NR5A2: variants seen among roughly 807,000 people sequenced by gnomAD.
The protein encoded by NR5A2 is nuclear receptor subfamily 5 group A member 2, also known as CYP7A promoter-binding factor.
NR5A2 carries 26 observed loss-of-function variants against 62.7 expected under a neutral mutation model. The ratio of observed to expected loss-of-function variants is 0.41; its 90% CI spans 0.30 to 0.58. The LOEUF (loss-of-function observed/expected upper bound fraction) is 0.58. NR5A2 is among the 20% of genes least tolerant of loss of function. The probability of loss-of-function intolerance (pLI) is 0.22; values close to 1 mark genes in which losing one functional copy is unlikely to be tolerated. For synonymous variants in NR5A2, 246 were observed against 241.7 expected (o/e 1.02, Z -0.16); for missense variants, 541 against 669.1 (o/e 0.81, Z 2.11).
At chr1:200,050,506 C>CT (rs1232370184) in intron 5 of NR5A2, among the ~76,000 whole-genome samples, 4 of 152,094 alleles carry the variant, frequency 2.6e-5, no homozygotes, top group Non-Finnish European at 4.4e-5. Context: ...AGGAGGTTTT[C>CT]AAAGGAAAAT....
intron 7 of NR5A2, among the ~76,000 whole-genome samples, chr1:200,125,158 G>A (rs970406413): frequency 1.4e-4 from 22 of 152,160 alleles, no homozygotes; most frequent in African/African-American, 5.1e-4. Flanking sequence ...GAAAGCTAAC[G>A]TGAAGAAAAA....
intron 5 of NR5A2, among the ~76,000 whole-genome samples, chr1:200,109,186 C>T (rs899932926): frequency 6.6e-6 from 1 of 152,202 alleles, no homozygotes; most frequent in African/African-American, 2.4e-5. Flanking sequence ...ATGAATGTAA[C>T]TGTTTTGGTC....
intron 1 of NR5A2, among the ~76,000 whole-genome samples, chr1:200,034,703 T>C (rs565186615): frequency 6.8e-4 from 103 of 150,734 alleles, no homozygotes; most frequent in Middle Eastern, 3.5e-3. Flanking sequence ...ACTCTCATAG[T>C]GATTGTGAAT....
intron 7 of NR5A2, among the ~76,000 whole-genome samples, chr1:200,133,557 A>G (rs1667072618): frequency 7.6e-6 from 1 of 131,694 alleles, no homozygotes; most frequent in African/African-American, 3.2e-5. Flanking sequence ...ACACATATAT[A>G]CACACATATA....
chr1:200,062,227 T>TTGTGTGTGTGTGTGTGTGTGTGTGTG (rs6143563), intron 5 of NR5A2, among the ~76,000 whole-genome samples: 2,640 of 145,636 alleles, frequency 0.018, 33 homozygotes, highest in Non-Finnish European at 0.025. Context: ...CTGGCAGATT[T>TTGTGTGTGTGTGTGTGTGTGTGTGTG]TGTGTGTGTG....
At chr1:200,171,462 A>G (rs1172069408) in intron 7 of NR5A2, among the ~76,000 whole-genome samples, 1 of 152,156 alleles carries the variant, frequency 6.6e-6, no homozygotes, top group Non-Finnish European at 1.5e-5. Context: ...GAAATTAACC[A>G]TCGAGGCTGG....
Position 200,048,693 on chromosome 1 carries a change from G to A in NR5A2, c.985G>A (p.Glu329Lys), listed in dbSNP as rs1213376252. ...TAAAATCATGGCCTATTTGCAGCAA[G>A]AGCAGGCTAACCGAAGCAAGCACGA... The part of the protein sequence containing the change: ...QAKIMAYLQQ[E>K]QANRSKHEKL... Residue 329 changes from glutamate (E) to lysine (K), a missense_variant, in exon 5 of 8, where the codon GAG becomes AAG. Physicochemically the swap from Glu to Lys is moderately conservative, Grantham distance 56. Around this residue, in one of 3 missense-constraint regions of NR5A2, gnomAD observed 379 missense variants for 442.0 expected, o/e 0.86. Coordinates refer to ENST00000367362, the MANE Select transcript of NR5A2 (RefSeq NM_205860.3). The surrounding 1 kb of genome is among the most constrained non-coding windows in gnomAD (Gnocchi z 4.8). 1 of 1,614,216 alleles carries A rather than the reference G, an allele frequency of 6.2e-7. No individual in the cohort carries two copies. The highest frequency in any genetic ancestry group is 8.5e-7 in the Non-Finnish European group (1 of 1,180,028).
intron 7 of NR5A2, among the ~76,000 whole-genome samples, chr1:200,138,938 A>G (rs370041110): frequency 2.0e-5 from 3 of 152,184 alleles, no homozygotes; most frequent in African/African-American, 4.8e-5. Flanking sequence ...GTTGTTCCAC[A>G]AAGAACCCAG....
chr1:200,109,577 C>T (rs1386713066), intron 5 of NR5A2, among the ~76,000 whole-genome samples: 1 of 152,070 alleles, frequency 6.6e-6, no homozygotes. Context: ...CTCACTGTGT[C>T]CTGAAATTGT....
At chr1:200,161,749 G>A (rs183318952) in intron 7 of NR5A2, among the ~76,000 whole-genome samples, 2 of 152,328 alleles carry the variant, frequency 1.3e-5, no homozygotes, top group East Asian at 3.9e-4. Flanking sequence ...TTGCTTAAGA[G>A]TCTAATAGCT....
Position 200,147,479 on chromosome 1 carries a change from G to C in NR5A2, c.1379-26484G>C. 1.6e-6 allele frequency: 1 copy of C among 614,178 alleles called. No individual in the cohort carries two copies. Among genetic ancestry groups the C allele is most frequent in the Non-Finnish European group, 3.1e-6 (1 of 319,622 alleles). 38.0% of individuals were successfully genotyped at this position (614,178 alleles called of 1,614,324 possible). A position where few individuals can be genotyped will look rare whatever the true frequency, so the allele number is the denominator to read the frequency against. ...ACACGGAGAGCTCTTTGAGGCAAGG[G>C]ACAATTTGATCTGTTTCTTCATCCT... is the stretch of plus-strand genomic sequence containing the variant. On this transcript the variant is annotated intron_variant, in intron 7 of 7. Coordinates refer to ENST00000367362, the MANE Select transcript of NR5A2 (RefSeq NM_205860.3). The surrounding 1 kb of genome is among the most constrained non-coding windows in gnomAD (Gnocchi z 4.9).
chr1:200,154,376 A>C (rs1653279998), intron 7 of NR5A2, among the ~76,000 whole-genome samples: 1 of 152,204 alleles, frequency 6.6e-6, no homozygotes, highest in African/African-American at 2.4e-5. Flanking sequence ...CAAAACATGC[A>C]AAGTCTTGCA....
At chr1:200,144,202 T>C (rs1174116280) in intron 7 of NR5A2, among the ~76,000 whole-genome samples, 1 of 141,558 alleles carries the variant, frequency 7.1e-6, no homozygotes, top group East Asian at 2.0e-4. Context: ...GCCACCATCA[T>C]CCCAGCACTG....
chr1:200,162,798 C>T (rs529091872), intron 7 of NR5A2, among the ~76,000 whole-genome samples: 9 of 152,162 alleles, frequency 5.9e-5, no homozygotes, highest in South Asian at 2.1e-4. Context: ...TATTGGGTAA[C>T]GGGATGGATT....
At chr1:200,069,451 G>A (rs1301042584) in intron 5 of NR5A2, among the ~76,000 whole-genome samples, 2 of 152,024 alleles carry the variant, frequency 1.3e-5, no homozygotes, top group Non-Finnish European at 2.9e-5. Context: ...AGTAGAGACG[G>A]AGTTTCACCA....
chr1:200,035,119 C>T (rs576439946), intron 1 of NR5A2, among the ~76,000 whole-genome samples: 1 of 152,226 alleles, frequency 6.6e-6, no homozygotes, highest in African/African-American at 2.4e-5. Flanking sequence ...GGCTGAAAAA[C>T]TTGCTCCTCT....
At chr1:200,171,183 T>C (rs1225941234) in intron 7 of NR5A2, among the ~76,000 whole-genome samples, 1 of 152,184 alleles carries the variant, frequency 6.6e-6, no homozygotes, top group Admixed American at 6.5e-5. Flanking sequence ...GCCATGTGTA[T>C]AGATGTAGAA....
intron 7 of NR5A2, among the ~76,000 whole-genome samples, chr1:200,137,568 C>T (rs1457684397): frequency 1.3e-5 from 2 of 152,074 alleles, no homozygotes; most frequent in East Asian, 1.9e-4. Context: ...AAAATCATTA[C>T]CAGATTATTA....
intron 7 of NR5A2, among the ~76,000 whole-genome samples, chr1:200,129,097 G>T (rs1239016392): frequency 1.3e-5 from 2 of 152,128 alleles, no homozygotes; most frequent in Admixed American, 1.3e-4. Context: ...TCCCTATAGA[G>T]TGGTTGGTAA....
Sources: gnomAD v4.1 joint callset for allele counts (sites outside exome capture counted in the v4.1 genomes callset) on GRCh38, gnomAD v4.1.1 for gene constraint, gnomAD v4.1.1 regional missense constraint, Gnocchi (gnomAD v3.1) non-coding constraint, MANE v1.5 for transcripts, NCBI Gene and HGNC (gene_info 2026-07-23, HGNC 2026-07-21) for gene names.